HINT3: variants seen among roughly 807,000 people sequenced by gnomAD.
The protein encoded by HINT3 is histidine triad nucleotide binding protein 3, also known as adenosine 5'-monophosphoramidase HINT3.
HINT3 carries 16 observed loss-of-function variants against 19.1 expected under a neutral mutation model. The ratio of observed to expected loss-of-function variants is 0.84; its 90% CI spans 0.57 to 1.27. HINT3 has a LOEUF of 1.27. Among genes scored for constraint, HINT3 ranks in the 50% most tolerant of loss-of-function variants. HINT3 has a pLI of 0.00. For synonymous variants in HINT3, 75 were observed against 84.8 expected (o/e 0.88, Z 0.63); for missense variants, 197 against 225.8 (o/e 0.87, Z 0.82).
intron 4 of HINT3, among the ~76,000 whole-genome samples, chr6:125,976,329 T>C (rs903146666): frequency 6.6e-6 from 1 of 152,022 alleles, no homozygotes; most frequent in African/African-American, 2.4e-5. Flanking sequence ...GAGGATCGCT[T>C]GAGCCCAGGA....
chr6:125,963,192 C>T (rs1012474434), intron 1 of HINT3, among the ~76,000 whole-genome samples: 1 of 152,142 alleles, frequency 6.6e-6, no homozygotes, highest in Non-Finnish European at 1.5e-5. Flanking sequence ...TCTGCTGGGT[C>T]CACGCTGGCA....
intron 2 of HINT3, among the ~76,000 whole-genome samples, chr6:125,969,262 C>T (rs756374919): frequency 1.3e-5 from 2 of 152,024 alleles, no homozygotes; most frequent in Non-Finnish European, 2.9e-5. Flanking sequence ...CTGAATATGG[C>T]GTATTTTCCC....
At chr6:125,961,800 A>C (rs2128710608) in intron 1 of HINT3, among the ~76,000 whole-genome samples, 1 of 152,140 alleles carries the variant, frequency 6.6e-6, no homozygotes. Context: ...ATTCTGTATT[A>C]ATGTGACTGG....
At chr6:125,963,786 A>G (rs1312526677) in intron 1 of HINT3, among the ~76,000 whole-genome samples, 6 of 152,214 alleles carry the variant, frequency 3.9e-5, no homozygotes, top group Non-Finnish European at 7.3e-5. Context: ...AAGTCTCCTT[A>G]GGGAGGTGTT....
At position 125,965,132 on chromosome 6, in the gene HINT3, A is replaced by G. The variant is rs539451385; in HGVS notation, c.202-1755A>G. Among the ~76,000 whole-genome samples the G allele has an allele frequency of 3.9e-5, 6 of 152,358 alleles. No individual in the cohort carries two copies. The South Asian group carries it at 1.0e-3, about 26-fold the overall frequency. On this transcript the variant is annotated intron_variant, in intron 1 of 4. Coordinates refer to ENST00000229633, the MANE Select transcript of HINT3 (RefSeq NM_138571.5). ...CCTTTCAATATAGAGGTTGGAAGAC[A>G]AAACTAAGCATTTTGGTTCATTCTT...
chr6:125,967,016 G>A lies in HINT3; in HGVS notation c.319+12G>A. 1 of 1,451,932 alleles carries A rather than the reference G, an allele frequency of 6.9e-7. No homozygotes were observed. The highest frequency in any genetic ancestry group is 9.6e-7 in the Non-Finnish European group (1 of 1,039,234). The allele number at this position is 1,451,932 out of a possible 1,614,324, so 89.9% of individuals were successfully genotyped here. ...TCAAGTAGAACTGGGTAAGATGATG[G>A]CAGTATTCTTCATGTTTATATCATT... is the stretch of plus-strand genomic sequence containing the variant. On this transcript the variant is annotated intron_variant, in intron 2 of 4. Coordinates refer to ENST00000229633, the MANE Select transcript of HINT3 (RefSeq NM_138571.5).
rs150109378 is a variant in HINT3, at chr6:125,978,562, C to T, written c.*886C>T. On this transcript the variant is annotated 3_prime_UTR_variant, in exon 5 of 5. Transcript: ENST00000229633. ...CGCAATGTTAATACTATTGATATTTCATAGGTATATTTTGTTAGAAATTGG... is the reference window on the plus strand; with the variant it reads ...CGCAATGTTAATACTATTGATATTTTATAGGTATATTTTGTTAGAAATTGG... 2.0e-5 allele frequency: 3 copies of T among 152,192 alleles called. No homozygotes were observed. In the East Asian group the frequency reaches 5.8e-4, roughly 29 times the overall value. The allele number at this position is 152,192 out of a possible 1,614,324, so 9.4% of individuals were successfully genotyped here.
chr6:125,977,395 T>C (rs1789194541), intron 4 of HINT3, among the ~76,000 whole-genome samples: 1 of 152,210 alleles, frequency 6.6e-6, no homozygotes, highest in Admixed American at 6.5e-5. Context: ...TTTAGTGTTA[T>C]ATTTATTTTC....
At chr6:125,971,082 G>C (rs1448492897) in intron 2 of HINT3, among the ~76,000 whole-genome samples, 1 of 152,150 alleles carries the variant, frequency 6.6e-6, no homozygotes, top group East Asian at 1.9e-4. Flanking sequence ...AACTATGGAG[G>C]CCTAACATTT....
At chr6:125,963,595 T>C (rs1246241177) in intron 1 of HINT3, among the ~76,000 whole-genome samples, 1 of 152,204 alleles carries the variant, frequency 6.6e-6, no homozygotes, top group Non-Finnish European at 1.5e-5. Flanking sequence ...CTCTAATCCA[T>C]GCATTTCCAA....
At position 125,957,183 on chromosome 6, in the gene HINT3, GC is replaced by G; in HGVS notation, c.201+6del. ...ACCGAACTCCTGCACTGCGAGGTGG[GC>G]GGCGACGCGCGGCCGGGGGTGGGTG... is the stretch of plus-strand genomic sequence containing the variant. On this transcript the variant is annotated splice_donor_region_variant and intron_variant, in intron 1 of 4. Transcript: ENST00000229633. 3 of 1,541,146 alleles carry G rather than the reference GC, an allele frequency of 1.9e-6. No individual in the cohort carries two copies. Among genetic ancestry groups the G allele is most frequent in the Non-Finnish European group, 2.6e-6 (3 of 1,141,394 alleles).
At chr6:125,968,659 T>C (rs760303983) in intron 2 of HINT3, among the ~76,000 whole-genome samples, 3 of 152,210 alleles carry the variant, frequency 2.0e-5, no homozygotes, top group Non-Finnish European at 4.4e-5. Flanking sequence ...TTTTCTCTTC[T>C]GCCTTACCAG....
intron 1 of HINT3, among the ~76,000 whole-genome samples, chr6:125,963,885 A>G (rs1179263556): frequency 6.6e-6 from 1 of 152,240 alleles, no homozygotes; most frequent in Non-Finnish European, 1.5e-5. Flanking sequence ...AAACTGAAAG[A>G]TCGTAGAAAA....
In HINT3 at chr6:125,968,225, C is replaced by G. The variant is rs975607597; in HGVS notation, c.319+1221C>G. On this transcript the variant is annotated intron_variant, in intron 2 of 4. Coordinates refer to ENST00000229633, the MANE Select transcript of HINT3 (RefSeq NM_138571.5). ...TTGCCATCTTTTTGTCCATGAGTAC[C>G]CAGTGTTTACCCTCTCCTTATAAGT... Among the ~76,000 whole-genome samples, 7 of 152,074 alleles carry G rather than the reference C, an allele frequency of 4.6e-5. No homozygotes were observed. In the East Asian group the frequency reaches 1.2e-3, roughly 25 times the overall value.
intron 2 of HINT3, among the ~76,000 whole-genome samples, chr6:125,968,118 T>C (rs1789043885): frequency 1.3e-5 from 2 of 152,226 alleles, no homozygotes; most frequent in African/African-American, 4.8e-5. Context: ...ACCCAGGTAG[T>C]GAGCATAGTA....
In HINT3 at chr6:125,974,450, G is replaced by A. The variant is rs892887147; in HGVS notation, c.390-397G>A. ...AAAAAGTGTGCCATCTACTGGCTATGTATTGAATAAAGGAACACGACTACT... is the reference window on the plus strand; with the variant it reads ...AAAAAGTGTGCCATCTACTGGCTATATATTGAATAAAGGAACACGACTACT... On this transcript the variant is annotated intron_variant, in intron 3 of 4. Coordinates refer to ENST00000229633, the MANE Select transcript of HINT3 (RefSeq NM_138571.5). Among the ~76,000 whole-genome samples, 3 of 152,294 alleles carry A rather than the reference G, an allele frequency of 2.0e-5. No individual in the cohort carries two copies. The East Asian group carries it at 5.8e-4, about 29-fold the overall frequency.
intron 1 of HINT3, among the ~76,000 whole-genome samples, chr6:125,962,301 TATATATCACAC>T (rs1319597044): frequency 2.8e-4 from 10 of 36,302 alleles, no homozygotes; most frequent in African/African-American, 1.2e-3. Flanking sequence ...TATATATATA[TATATATCACAC>T]ATATATATAT....
intron 4 of HINT3, among the ~76,000 whole-genome samples, chr6:125,975,643 T>C (rs1296351956): frequency 6.9e-6 from 1 of 144,702 alleles, no homozygotes; most frequent in Admixed American, 7.1e-5. Flanking sequence ...AGTAGTGCAA[T>C]CTTGGCTCAC....
chr6:125,965,305 A>G (rs1789002131), intron 1 of HINT3, among the ~76,000 whole-genome samples: 1 of 152,194 alleles, frequency 6.6e-6, no homozygotes, highest in African/African-American at 2.4e-5. Flanking sequence ...ACATCATCTC[A>G]AACTAACCAG....
Sources: gnomAD v4.1 joint callset for allele counts (sites outside exome capture counted in the v4.1 genomes callset) on GRCh38, gnomAD v4.1.1 for gene constraint, MANE v1.5 for transcripts, NCBI Gene and HGNC (gene_info 2026-07-23, HGNC 2026-07-21) for gene names.